Variants in PDE1C observed in about 807,000 individuals in gnomAD.
PDE1C encodes phosphodiesterase 1C, also known as dual specificity calcium/calmodulin-dependent 3',5'-cyclic nucleotide phosphodiesterase 1C.
A neutral mutation model predicts 93.1 loss-of-function variants in PDE1C; 62 were observed. The observed-to-expected ratio is 0.67, with a 90% CI of 0.54 to 0.82. The LOEUF (loss-of-function observed/expected upper bound fraction) is 0.82. Ranked by LOEUF, PDE1C falls within the 40% of genes least tolerant of loss-of-function variation. The pLI is 0.00. For missense variants in PDE1C, 742 were observed against 884.6 expected, an observed-to-expected ratio of 0.84 and a Z score of 2.04; for synonymous variants, 325 against 310.1, an observed-to-expected ratio of 1.05 and a Z score of -0.50.
chr7:32,105,136 C>A (rs1247444345), intron 3 of PDE1C, among the ~76,000 whole-genome samples: 1 of 152,150 alleles, frequency 6.6e-6, no homozygotes, highest in East Asian at 1.9e-4. Flanking sequence ...GAAATGGAGA[C>A]AAAAGGCACA....
At chr7:31,878,116 G>T (rs1796818027) in intron 4 of PDE1C, 80 bp from the exon 5 acceptor site, 7 of 975,312 alleles carry the variant, frequency 7.2e-6, no homozygotes, top group East Asian at 5.0e-5. Context: ...ACCAAGTATT[G>T]ACAAATAATA....
chr7:31,978,015 T>C (rs982906659), intron 2 of PDE1C, among the ~76,000 whole-genome samples: 3 of 152,172 alleles, frequency 2.0e-5, no homozygotes, highest in African/African-American at 7.2e-5. Context: ...ATGAAGACGC[T>C]AAGATATAAA....
At chr7:32,126,250 T>C (rs932516087) in intron 3 of PDE1C, among the ~76,000 whole-genome samples, 1 of 152,104 alleles carries the variant, frequency 6.6e-6, no homozygotes, top group African/African-American at 2.4e-5. Flanking sequence ...GATAGATTCA[T>C]TTAAATATCA....
intron 2 of PDE1C, among the ~76,000 whole-genome samples, chr7:31,976,504 T>C (rs1274551671): frequency 1.3e-5 from 2 of 152,314 alleles, no homozygotes; most frequent in South Asian, 2.1e-4. Context: ...TTAACTGATA[T>C]ATGGTTTCTA....
chr7:32,220,352 G>C lies in PDE1C; in HGVS notation c.86-10813C>G, dbSNP rs11981896. 3.4e-3 allele frequency among the ~76,000 whole-genome samples: 522 copies of C among 152,252 alleles called. 3 individuals carry two copies. Among genetic ancestry groups the C allele is most frequent in the African/African-American group, 0.012 (498 of 41,548 alleles). On this transcript the variant is annotated intron_variant, in intron 1 of 18. Coordinates refer to the PDE1C transcript ENST00000396193. Reference sequence around the variant, plus strand: ...ATTCAATTTTCACACTGTTCCAGGAGGTAAGTAGTAGTATTCCCTTTTTCA... The same window carrying C: ...ATTCAATTTTCACACTGTTCCAGGACGTAAGTAGTAGTATTCCCTTTTTCA...
At chr7:32,126,158 G>A (rs1799566293) in intron 3 of PDE1C, among the ~76,000 whole-genome samples, 1 of 151,878 alleles carries the variant, frequency 6.6e-6, no homozygotes, top group Admixed American at 6.6e-5. Context: ...ATAAAAGAAA[G>A]TTCTGAAAGA....
At chr7:32,187,144 C>G (rs2128817903) in intron 2 of PDE1C, among the ~76,000 whole-genome samples, 1 of 151,956 alleles carries the variant, frequency 6.6e-6, no homozygotes. Flanking sequence ...CCTTCTCTCT[C>G]TTTCTCTTTC....
At chr7:32,133,902 A>C (rs1800064257) in intron 3 of PDE1C, among the ~76,000 whole-genome samples, 1 of 152,066 alleles carries the variant, frequency 6.6e-6, no homozygotes, top group South Asian at 2.1e-4. Context: ...ACAATGAATG[A>C]AAAGACAGGA....
chr7:31,692,437 C>A, the PDE1C span: 26 of 1,602,950 alleles, frequency 1.6e-5, no homozygotes, highest in Non-Finnish European at 2.2e-5. Context: ...ACCCACCCTC[C>A]TTTGATGATG....
chr7:32,138,881 C>T (rs986757279), intron 3 of PDE1C, among the ~76,000 whole-genome samples: 1 of 152,020 alleles, frequency 6.6e-6, no homozygotes, highest in Non-Finnish European at 1.5e-5. Context: ...CTCTCACTTC[C>T]TCAGAATTTT....
chr7:32,222,191 G>A (rs1296502915), intron 1 of PDE1C, among the ~76,000 whole-genome samples: 1 of 152,170 alleles, frequency 6.6e-6, no homozygotes, highest in Non-Finnish European at 1.5e-5. Context: ...GATCAGGCAT[G>A]CACTGTCAGC....
At chr7:31,826,420 T>C in intron 12 of PDE1C, among the ~76,000 whole-genome samples, 1 of 152,294 alleles carries the variant, frequency 6.6e-6, no homozygotes, top group South Asian at 2.1e-4. Flanking sequence ...GTATGTGTAG[T>C]ATGTATTGTG....
intron 1 of PDE1C, among the ~76,000 whole-genome samples, chr7:32,065,072 G>A (rs1383245355): frequency 4.3e-5 from 4 of 92,654 alleles, no homozygotes; most frequent in Admixed American, 1.1e-4. Context: ...GGGAGGAGCC[G>A]GGGGCCAGTG....
At chr7:32,394,868 C>G (rs1207706622) in intron 1 of PDE1C, among the ~76,000 whole-genome samples, 2 of 152,154 alleles carry the variant, frequency 1.3e-5, no homozygotes, top group Non-Finnish European at 2.9e-5. Context: ...TTTTCTCTCT[C>G]TCTCTTCCTC....
At chr7:32,069,546 CA>C (rs1470942667) in intron 1 of PDE1C, among the ~76,000 whole-genome samples, 2 of 152,050 alleles carry the variant, frequency 1.3e-5, no homozygotes, top group East Asian at 1.9e-4. Flanking sequence ...ACCAGCAGTT[CA>C]CTGATGATGA....
At chr7:32,406,963 A>T (rs1480947926) in intron 1 of PDE1C, among the ~76,000 whole-genome samples, 1 of 152,156 alleles carries the variant, frequency 6.6e-6, no homozygotes, top group East Asian at 1.9e-4. Context: ...GCCCCATCGC[A>T]CAAGTGACTG....
intron 3 of PDE1C, among the ~76,000 whole-genome samples, chr7:32,080,837 A>G (rs1796622926): frequency 6.6e-6 from 1 of 152,222 alleles, no homozygotes; most frequent in African/African-American, 2.4e-5. Context: ...TGCTTTTAAC[A>G]GATTCTTGCT....
chr7:31,967,975 G>A (rs1055197275), intron 2 of PDE1C, among the ~76,000 whole-genome samples: 2 of 152,060 alleles, frequency 1.3e-5, no homozygotes, highest in Admixed American at 6.6e-5. Flanking sequence ...AATAAGAGCT[G>A]TCTATGACAA....
At chr7:31,974,285 A>G (rs1423771047) in intron 2 of PDE1C, among the ~76,000 whole-genome samples, 2 of 152,196 alleles carry the variant, frequency 1.3e-5, no homozygotes, top group Non-Finnish European at 2.9e-5. Context: ...TCATTATCCT[A>G]TTGATTAAAA....
Sources: gnomAD v4.1 joint callset for allele counts (sites outside exome capture counted in the v4.1 genomes callset) on GRCh38, gnomAD v4.1.1 for gene constraint, MANE v1.5 for transcripts, NCBI Gene and HGNC (gene_info 2026-07-23, HGNC 2026-07-21) for gene names.